The following ST8SIA5 variants were observed in gnomAD, a reference collection of about 807,000 sequenced individuals.
The protein encoded by ST8SIA5 is alpha-2,8-sialyltransferase 8E.
ST8SIA5 carries 24 observed loss-of-function variants against 40.2 expected under a neutral mutation model. That is an observed-to-expected ratio of 0.60 (90% CI 0.43 to 0.84). The LOEUF (loss-of-function observed/expected upper bound fraction) is 0.84, where lower values mean the gene tolerates loss of function less well. ST8SIA5 is among the 40% of genes least tolerant of loss of function. ST8SIA5 has a pLI of 0.00. For missense variants in ST8SIA5, 465 were observed against 498.5 expected (o/e 0.93, Z 0.64); for synonymous variants, 198 against 201.8 (o/e 0.98, Z 0.16).
At chr18:46,733,304 G>C (rs1176138686) in intron 1 of ST8SIA5, among the ~76,000 whole-genome samples, 1 of 152,172 alleles carries the variant, frequency 6.6e-6, no homozygotes, top group Non-Finnish European at 1.5e-5. Flanking sequence ...CTTTTCTATT[G>C]TTAATCAGCA....
chr18:46,728,530 G>A (rs2039954578), intron 1 of ST8SIA5, among the ~76,000 whole-genome samples: 1 of 152,228 alleles, frequency 6.6e-6, no homozygotes, highest in African/African-American at 2.4e-5. Flanking sequence ...TGGCACTGTG[G>A]ACTTAGGTTC....
intron 1 of ST8SIA5, chr18:46,731,586 C>T (rs2039985155): frequency 6.6e-6 from 1 of 152,326 alleles, no homozygotes; most frequent in Non-Finnish European, 1.5e-5. Flanking sequence ...TCCTTCCTGA[C>T]CCAAGTCTTG....
At chr18:46,683,333 A>C (rs192353649) in intron 5 of ST8SIA5, among the ~76,000 whole-genome samples, 2 of 152,316 alleles carry the variant, frequency 1.3e-5, no homozygotes, top group African/African-American at 2.4e-5. Flanking sequence ...CTTCACATCA[A>C]ATACTACATA....
At position 46,680,072 on chromosome 18, in the gene ST8SIA5, G is replaced by A. The variant is rs1235250993; in HGVS notation, c.1101C>T (p.Arg367=). The A allele has an allele frequency of 6.2e-7, 1 of 1,612,520 alleles. No homozygotes were observed. Among genetic ancestry groups the A allele is most frequent in the Admixed American group, 1.7e-5 (1 of 59,986 alleles). ...AGCAGCTGCAGGTGCCCGTGTGCAC[G>A]CGGAGGATGCCTCGGCTGTGCAAGT... ...FLHLHSRGIL[R]VHTGTCSCC The change falls in exon 7 of 7, where the codon CGC becomes CGT. Residue 367 remains arginine, a synonymous_variant. Coordinates refer to ENST00000315087, the MANE Select transcript of ST8SIA5 (RefSeq NM_013305.6).
At position 46,704,601 on chromosome 18, in the gene ST8SIA5, G is replaced by A. The variant is rs146980909; in HGVS notation, c.195C>T (p.His65=). Residue 65 remains histidine, a synonymous_variant, in exon 2 of 7, where the codon CAC becomes CAT. Transcript: ENST00000315087. Reference sequence around the variant, plus strand: ...ACAGCACCTTCACTTCCAATATTTCGTGCCTCAGCTCCAGGCATCTTGTGG... The same window carrying A: ...ACAGCACCTTCACTTCCAATATTTCATGCCTCAGCTCCAGGCATCTTGTGG... ...YNSTRCLELR[H]EILEVKVLSM... is the part of the protein sequence containing the mutation. 1.6e-5 allele frequency: 25 copies of A among 1,612,472 alleles called. No homozygotes were observed. The highest frequency in any genetic ancestry group is 1.6e-4 in the Middle Eastern group (1 of 6,074).
At chr18:46,684,615 C>G (rs328131) in intron 5 of ST8SIA5, among the ~76,000 whole-genome samples, 1 of 152,020 alleles carries the variant, frequency 6.6e-6, no homozygotes, top group African/African-American at 2.4e-5. Context: ...AACCACTATA[C>G]GCTCCACTTC....
At chr18:46,715,363 C>T (rs2039777248) in intron 1 of ST8SIA5, among the ~76,000 whole-genome samples, 1 of 152,088 alleles carries the variant, frequency 6.6e-6, no homozygotes. Flanking sequence ...TTGCCAGGAG[C>T]AGGTGGAGGG....
intron 1 of ST8SIA5, among the ~76,000 whole-genome samples, chr18:46,707,617 A>T (rs2039682679): frequency 6.6e-6 from 1 of 152,180 alleles, no homozygotes; most frequent in Admixed American, 6.5e-5. Flanking sequence ...CTGGGTTCAC[A>T]TCCCTCCACC....
intron 1 of ST8SIA5, among the ~76,000 whole-genome samples, chr18:46,727,940 G>A (rs1042220503): frequency 1.3e-5 from 2 of 152,134 alleles, no homozygotes; most frequent in Non-Finnish European, 2.9e-5. Context: ...GGTGGCTCAC[G>A]CCTGTAAGCA....
intron 2 of ST8SIA5, among the ~76,000 whole-genome samples, chr18:46,697,276 C>T (rs1323841158): frequency 6.6e-6 from 1 of 152,068 alleles, no homozygotes; most frequent in African/African-American, 2.4e-5. Context: ...CCAAGGGTCA[C>T]CTGGTCAACC....
chr18:46,743,797 G>A (rs1022833834), intron 1 of ST8SIA5, among the ~76,000 whole-genome samples: 2 of 152,180 alleles, frequency 1.3e-5, no homozygotes, highest in African/African-American at 4.8e-5. Context: ...AGGAAAAAAG[G>A]TTAAGGGCAG....
At chr18:46,696,350 G>C (rs1213435930) in intron 2 of ST8SIA5, among the ~76,000 whole-genome samples, 1 of 152,082 alleles carries the variant, frequency 6.6e-6, no homozygotes, top group Non-Finnish European at 1.5e-5. Context: ...CAGGCCCCTA[G>C]AGCAGCCCCC....
In ST8SIA5 at chr18:46,704,601, G is replaced by T. The variant is rs146980909; in HGVS notation, c.195C>A (p.His65Gln). ...YNSTRCLELR[H>Q]EILEVKVLSM... ...ACAGCACCTTCACTTCCAATATTTC[G>T]TGCCTCAGCTCCAGGCATCTTGTGG... is the stretch of plus-strand genomic sequence containing the variant. The change falls in exon 2 of 7, where the codon CAC becomes CAA. Residue 65 changes from histidine (H) to glutamine (Q), a missense_variant. Transcript: ENST00000315087. 6.2e-7 allele frequency: 1 copy of T among 1,612,590 alleles called. No homozygotes were observed. The highest frequency in any genetic ancestry group is 1.7e-5 in the Admixed American group (1 of 59,846).
At chr18:46,710,363 TTTTCTTTCTTTCTTTCTTTCTTTCTTTC>T (rs71162817) in intron 1 of ST8SIA5, among the ~76,000 whole-genome samples, 13 of 114,486 alleles carry the variant, frequency 1.1e-4, no homozygotes, top group South Asian at 3.2e-4. Context: ...TCCTTCTTTC[TTTTCTTTCTTTCTTTCTTTCTTTCTTTC>T]TTTCTTTCTT....
chr18:46,704,890 G>C (rs557885119), intron 1 of ST8SIA5, among the ~76,000 whole-genome samples: 228 of 152,326 alleles, frequency 1.5e-3, no homozygotes, highest in Non-Finnish European at 2.4e-3. Flanking sequence ...TGGGAGTGTA[G>C]GCATTTACAG....
At chr18:46,739,696 G>A (rs1027231515) in intron 1 of ST8SIA5, among the ~76,000 whole-genome samples, 1 of 152,188 alleles carries the variant, frequency 6.6e-6, no homozygotes, top group Non-Finnish European at 1.5e-5. Context: ...TCTGGGGCAG[G>A]TGCTGTGACA....
At chr18:46,692,446 C>T (rs1437947858) in intron 2 of ST8SIA5, among the ~76,000 whole-genome samples, 191 bp from the exon 3 acceptor site, 1 of 151,680 alleles carries the variant, frequency 6.6e-6, no homozygotes, top group African/African-American at 2.4e-5. Context: ...CACCGATGTA[C>T]AGGCTGGAGT....
Position 46,679,842 on chromosome 18 carries a change from G to A in ST8SIA5, c.*200C>T. On this transcript the variant is annotated 3_prime_UTR_variant, in exon 7 of 7. Coordinates refer to ENST00000315087, the MANE Select transcript of ST8SIA5 (RefSeq NM_013305.6). ...GATGCACCGGTGGGGGCCAGGCCAG[G>A]AGGCTCAGCACAGAGCTGACTCTGC... 1.6e-6 allele frequency: 1 copy of A among 617,186 alleles called. No homozygotes were observed. Among genetic ancestry groups the A allele is most frequent in the Non-Finnish European group, 2.8e-6 (1 of 357,024 alleles). The allele number at this position is 617,186 out of a possible 1,614,324, so 38.2% of individuals were successfully genotyped here.
chr18:46,689,840 C>A (rs925438560), intron 3 of ST8SIA5, among the ~76,000 whole-genome samples: 1 of 151,508 alleles, frequency 6.6e-6, no homozygotes, highest in Non-Finnish European at 1.5e-5. Context: ...TTCAGCCTCT[C>A]AGACTCCCAA....
Sources: gnomAD v4.1 joint callset for allele counts (sites outside exome capture counted in the v4.1 genomes callset) on GRCh38, gnomAD v4.1.1 for gene constraint, MANE v1.5 for transcripts, NCBI Gene and HGNC (gene_info 2026-07-23, HGNC 2026-07-21) for gene names.